RUBCNL: variants seen among roughly 807,000 people sequenced by gnomAD.
RUBCNL encodes rubicon like autophagy enhancer, also known as protein associated with UVRAG as autophagy enhancer.
A neutral mutation model predicts 69.5 loss-of-function variants in RUBCNL; 62 were observed. The ratio of observed to expected loss-of-function variants is 0.89; its 90% CI spans 0.73 to 1.10. The LOEUF is 1.10. RUBCNL is among the 50% of genes least tolerant of loss of function. RUBCNL has a pLI of 0.00. For missense variants in RUBCNL, 768 were observed against 798.1 expected (o/e 0.96, Z 0.45); for synonymous variants, 291 against 303.6 (o/e 0.96, Z 0.43).
chr13:46,352,058 C>G (rs1200731196), intron 10 of RUBCNL, among the ~76,000 whole-genome samples: 1 of 152,100 alleles, frequency 6.6e-6, no homozygotes, highest in Non-Finnish European at 1.5e-5. Flanking sequence ...AAACTCCTGA[C>G]CTCAAGTGAT....
At chr13:46,344,198 G>A (rs1235969315) in intron 14 of RUBCNL, among the ~76,000 whole-genome samples, 1 of 152,186 alleles carries the variant, frequency 6.6e-6, no homozygotes, top group African/African-American at 2.4e-5. Context: ...CTGAGAGGAG[G>A]ATATGCCCCT....
chr13:46,358,311 T>C (rs1256310174), intron 9 of RUBCNL, among the ~76,000 whole-genome samples: 3 of 152,216 alleles, frequency 2.0e-5, no homozygotes, highest in South Asian at 2.1e-4. Context: ...TTTGTAATGC[T>C]TGGCAGTTTG....
chr13:46,348,802 C>A (rs2048306593), intron 12 of RUBCNL, among the ~76,000 whole-genome samples: 1 of 152,066 alleles, frequency 6.6e-6, no homozygotes, highest in South Asian at 2.1e-4. Context: ...CAGAGTTTCA[C>A]CATGTTGGCC....
At chr13:46,348,892 G>C (rs552230021) in intron 12 of RUBCNL, among the ~76,000 whole-genome samples, 2 of 152,076 alleles carry the variant, frequency 1.3e-5, no homozygotes, top group Non-Finnish European at 2.9e-5. Context: ...GTGAGCCACC[G>C]TGCCTGGCTG....
Position 46,342,485 on chromosome 13 carries a change from G to T in RUBCNL, c.*900C>A, listed in dbSNP as rs912205906. ...TCAGGAAAACATATAAGAACTATTA[G>T]AAAAAAGAAATTCATAAAGGTTTTG... is the stretch of plus-strand genomic sequence containing the variant. On this transcript the variant is annotated 3_prime_UTR_variant, in exon 15 of 15. Transcript: ENST00000429979. The T allele has an allele frequency of 6.6e-6, 1 of 152,134 alleles. No homozygotes were observed. The allele number at this position is 152,134 out of a possible 1,614,324, so 9.4% of individuals were successfully genotyped here. A position where few individuals can be genotyped will look rare whatever the true frequency, so the allele number is the denominator to read the frequency against.
In RUBCNL at chr13:46,336,368, T is replaced by C. The variant is rs2048105207; in HGVS notation, c.*7017A>G. Among the ~76,000 whole-genome samples, 1 of 152,192 alleles carries C rather than the reference T, an allele frequency of 6.6e-6. No homozygotes were observed. The highest frequency in any genetic ancestry group is 1.5e-5 in the Non-Finnish European group (1 of 68,032). ...GCAACCATTACTCTTAAAAGTTGTA[T>C]AGTACTGATCTCATTTATCATCTGT... On this transcript the variant is annotated 3_prime_UTR_variant, in exon 15 of 15. Transcript: ENST00000429979.
At chr13:46,376,174 T>A (rs897878797) in intron 2 of RUBCNL, among the ~76,000 whole-genome samples, 1 of 152,114 alleles carries the variant, frequency 6.6e-6, no homozygotes, top group Non-Finnish European at 1.5e-5. Context: ...TAGTGTTAAG[T>A]TTTGGGGGAG....
intron 10 of RUBCNL, among the ~76,000 whole-genome samples, chr13:46,351,261 C>G (rs1303019252): frequency 2.6e-5 from 4 of 151,914 alleles, no homozygotes; most frequent in Non-Finnish European, 5.9e-5. Context: ...GACCCTGTCA[C>G]AAATTGATGA....
At chr13:46,354,707 C>T in intron 10 of RUBCNL, 1 of 447,588 alleles carries the variant, frequency 2.2e-6, no homozygotes, top group Admixed American at 2.4e-5. Context: ...GCTGTAAATC[C>T]CACGGCACTC....
At chr13:46,345,663 G>C in intron 12 of RUBCNL, 63 bp from the exon 13 acceptor site, 1 of 1,514,452 alleles carries the variant, frequency 6.6e-7, no homozygotes, top group Non-Finnish European at 8.9e-7. Flanking sequence ...GGGAAGAATG[G>C]GGCCAGTTGT....
chr13:46,360,890 A>G (rs1566075651), intron 8 of RUBCNL, among the ~76,000 whole-genome samples: 1 of 152,174 alleles, frequency 6.6e-6, no homozygotes, highest in Non-Finnish European at 1.5e-5. Context: ...AATAAAAATA[A>G]GGACAGCCTC....
At position 46,344,178 on chromosome 13, in the gene RUBCNL, C is replaced by T. The variant is rs143857018; in HGVS notation, c.1876+563G>A. On this transcript the variant is annotated intron_variant, in intron 14 of 14. Coordinates refer to ENST00000429979, the MANE Select transcript of RUBCNL (RefSeq NM_025113.5). ...TGCCTAAAGGGTTGGGGAGACAACA[C>T]TGGAGTGGCCTGAGAGGAGGATATG... Among the ~76,000 whole-genome samples, 328 of 152,298 alleles carry T rather than the reference C, an allele frequency of 2.2e-3. 5 individuals carry two copies. Among genetic ancestry groups the T allele is most frequent in the Admixed American group, 0.016 (247 of 15,286 alleles).
intron 3 of RUBCNL, among the ~76,000 whole-genome samples, chr13:46,369,072 T>C (rs1241829230): frequency 6.6e-6 from 1 of 152,148 alleles, no homozygotes; most frequent in East Asian, 1.9e-4. Flanking sequence ...AGGAGACCAA[T>C]GAGGAAAAGA....
At chr13:46,382,437 A>G (rs1309253020) in intron 1 of RUBCNL, among the ~76,000 whole-genome samples, 2 of 148,896 alleles carry the variant, frequency 1.3e-5, no homozygotes, top group Non-Finnish European at 3.0e-5. Flanking sequence ...GAAAAGGAAA[A>G]GAAAAAAAAA....
At chr13:46,357,994 A>G (rs12429513) in intron 9 of RUBCNL, among the ~76,000 whole-genome samples, 32,957 of 152,142 alleles carry the variant, frequency 0.22, 3,816 homozygotes, top group African/African-American at 0.27. Context: ...ATACCAAGGA[A>G]ATTGTAAAAT....
At chr13:46,387,951 T>C (rs1399264817), upstream of RUBCNL, 2 of 680,704 alleles carry the variant, frequency 2.9e-6, no homozygotes, top group African/African-American at 2.0e-5. Flanking sequence ...TTCAAGCCTG[T>C]GATCCCAGCA....
At chr13:46,383,408 G>T (rs2049164239) in intron 1 of RUBCNL, among the ~76,000 whole-genome samples, 1 of 152,066 alleles carries the variant, frequency 6.6e-6, no homozygotes, top group African/African-American at 2.4e-5. Flanking sequence ...TCCATGTACT[G>T]CCCCATAGCC....
rs1594166252 is a variant in RUBCNL at position 46,368,073 on chromosome 13, C to T, written c.795G>A (p.Gly265=). The T allele has an allele frequency of 6.2e-7, 1 of 1,613,950 alleles. No homozygotes were observed. Among genetic ancestry groups the T allele is most frequent in the Non-Finnish European group, 8.5e-7 (1 of 1,179,872 alleles). The change falls in exon 5 of 15, where the codon GGG becomes GGA. Residue 265 remains glycine (G), a synonymous_variant. Coordinates refer to ENST00000429979, the MANE Select transcript of RUBCNL (RefSeq NM_025113.5). ...AGCCACTGTATGAAGAAGTAGAAGA[C>T]CCAGACTCTTGCTTTATGTTGGTAT... ...TFDTNIKQES[G]SSTSSYSGYE...
intron 10 of RUBCNL, among the ~76,000 whole-genome samples, chr13:46,351,827 A>T (rs1298697028): frequency 4.6e-5 from 5 of 107,742 alleles, no homozygotes; most frequent in African/African-American, 1.2e-4. Flanking sequence ...TGCTCTTTAC[A>T]CTTTTTTTTT....
Sources: allele counts gnomAD v4.1 joint callset (sites outside exome capture counted in the v4.1 genomes callset), GRCh38; gene constraint gnomAD v4.1.1; transcripts MANE v1.5; gene names NCBI Gene and HGNC (gene_info 2026-07-23, HGNC 2026-07-21).